The following PTPN9 variants were observed in gnomAD, a reference collection of about 807,000 sequenced individuals.
The protein encoded by PTPN9 is tyrosine-protein phosphatase non-receptor type 9.
Under a neutral mutation model 69.8 loss-of-function variants are expected in PTPN9, and 26 were observed. The ratio of observed to expected loss-of-function variants is 0.37; its 90% CI spans 0.27 to 0.52. PTPN9 has a LOEUF of 0.52. Among genes scored for constraint, PTPN9 ranks in the 20% least tolerant of loss-of-function variants. The pLI, the probability that PTPN9 is intolerant of heterozygous loss-of-function variation, is 0.91. For missense variants in PTPN9, 549 were observed against 740.3 expected (o/e 0.74, Z 3.00); for synonymous variants, 274 against 272.5 (o/e 1.01, Z -0.05).
chr15:75,554,382 C>G (rs1041404375), intron 1 of PTPN9, among the ~76,000 whole-genome samples: 3 of 151,776 alleles, frequency 2.0e-5, no homozygotes, highest in Admixed American at 2.0e-4. Context: ...TTAGTAGAGA[C>G]AGGGTTTCTC....
chr15:75,572,840 C>G (rs1319689848), intron 1 of PTPN9, among the ~76,000 whole-genome samples: 1 of 152,150 alleles, frequency 6.6e-6, no homozygotes, highest in Non-Finnish European at 1.5e-5. Flanking sequence ...GAGTTGACAA[C>G]TCTGTTTTAA....
chr15:75,521,639 A>T (rs2074905844), intron 4 of PTPN9, among the ~76,000 whole-genome samples: 2 of 152,000 alleles, frequency 1.3e-5, no homozygotes, highest in Admixed American at 6.6e-5. Flanking sequence ...TAAGTCCAGG[A>T]GTTCAAGACT....
At chr15:75,557,520 T>A (rs946476758) in intron 1 of PTPN9, among the ~76,000 whole-genome samples, 1 of 152,188 alleles carries the variant, frequency 6.6e-6, no homozygotes, top group Non-Finnish European at 1.5e-5. Context: ...TTCTTTTATA[T>A]ACTTAGGAGT....
At chr15:75,573,047 T>TATA (rs1433967924) in intron 1 of PTPN9, among the ~76,000 whole-genome samples, 2 of 152,196 alleles carry the variant, frequency 1.3e-5, no homozygotes, top group African/African-American at 4.8e-5. Context: ...AGCTATTTTA[T>TATA]ACCCACTTAG....
At chr15:75,520,143 A>G (rs1485433906) in intron 4 of PTPN9, among the ~76,000 whole-genome samples, 1 of 151,942 alleles carries the variant, frequency 6.6e-6, no homozygotes, top group African/African-American at 2.4e-5. Flanking sequence ...AAAAAGAAAC[A>G]AAGAAAATGT....
intron 5 of PTPN9, among the ~76,000 whole-genome samples, chr15:75,515,346 G>A (rs1465860792): frequency 6.9e-6 from 1 of 145,110 alleles, no homozygotes; most frequent in Non-Finnish European, 1.5e-5. Flanking sequence ...AGAACGGCGT[G>A]AACCTGGGAG....
chr15:75,469,239 G>A, intron 12 of PTPN9, among the ~76,000 whole-genome samples: 1 of 152,206 alleles, frequency 6.6e-6, no homozygotes, highest in East Asian at 1.9e-4. Context: ...GGTGACACAG[G>A]GGAACTTCCT....
chr15:75,479,826 T>C (rs1466380120), intron 9 of PTPN9, 22 bp downstream of exon 9: 1 of 1,571,008 alleles, frequency 6.4e-7, no homozygotes, highest in Non-Finnish European at 8.7e-7. Context: ...AAAATCAACA[T>C]GGGAGGGACG....
At chr15:75,565,220 T>C (rs1422998122) in intron 1 of PTPN9, among the ~76,000 whole-genome samples, 2 of 151,990 alleles carry the variant, frequency 1.3e-5, no homozygotes, top group African/African-American at 4.8e-5. Flanking sequence ...TGGCTCATTT[T>C]ACCCCTATGA....
rs1440009889 is a variant in PTPN9, at chr15:75,479,932, A to C, written c.1063-18T>G. 1.5e-5 allele frequency: 24 copies of C among 1,554,728 alleles called. No individual in the cohort carries two copies. Among genetic ancestry groups the C allele is most frequent in the Non-Finnish European group, 2.1e-5 (24 of 1,132,520 alleles). On this transcript the variant is annotated intron_variant, in intron 8 of 12. Coordinates refer to ENST00000618819, the MANE Select transcript of PTPN9 (RefSeq NM_002833.4). Reference sequence around the variant, plus strand: ...TAATCTGTCTAATGATAAAAAGGAGACATCACTATAGCTACACAGAATACA... The same window carrying C: ...TAATCTGTCTAATGATAAAAAGGAGCCATCACTATAGCTACACAGAATACA...
At chr15:75,523,674 G>A (rs1362826660) in intron 3 of PTPN9, among the ~76,000 whole-genome samples, 2 of 152,124 alleles carry the variant, frequency 1.3e-5, no homozygotes, top group African/African-American at 2.4e-5. Flanking sequence ...GAGAGCTTGC[G>A]TTAAATATGG....
In PTPN9 at chr15:75,473,320, G is replaced by C. The variant is rs151119520; in HGVS notation, c.1208+369C>G. Among the ~76,000 whole-genome samples the C allele has an allele frequency of 2.3e-3, 352 of 152,142 alleles. 1 individual carries two copies. Among genetic ancestry groups the C allele is most frequent in the African/African-American group, 8.0e-3 (332 of 41,498 alleles). ...GCTGGAGTGCAATGGCGTGATCTCA[G>C]CTCACTGCAACCTCTGCCTCCTGGG... is the stretch of plus-strand genomic sequence containing the variant. On this transcript the variant is annotated intron_variant, in intron 10 of 12. Transcript: ENST00000618819.
At chr15:75,524,472 G>C (rs1182514463) in intron 2 of PTPN9, among the ~76,000 whole-genome samples, 174 bp from the exon 3 acceptor site, 1 of 152,136 alleles carries the variant, frequency 6.6e-6, no homozygotes, top group Non-Finnish European at 1.5e-5. Context: ...ACTTCATTTA[G>C]TTGAATTAGA....
chr15:75,519,868 C>G (rs1444645927), intron 4 of PTPN9, among the ~76,000 whole-genome samples: 2 of 151,880 alleles, frequency 1.3e-5, no homozygotes, highest in African/African-American at 2.4e-5. Context: ...GTGACTCACA[C>G]CTGTAATCTC....
rs1256412687 is a variant in PTPN9 at position 75,505,676 on chromosome 15, T to G, written c.967A>C (p.Met323Leu). Residue 323 changes from methionine to leucine, a missense_variant and splice_region_variant, in exon 7 of 13, where the codon ATG becomes CTG. Met to Leu is a conservative substitution (Grantham distance 15). Coordinates refer to ENST00000618819, the MANE Select transcript of PTPN9 (RefSeq NM_002833.4). ...ENPVGTFHCS[M>L]SPGNLEKNRY... is the part of the protein sequence containing the mutation. ...CTGGCCCAAACTTTTTCTACTTACA[T>G]GGAACAGTGGAAAGTGCCAACAGGG... The G allele has an allele frequency of 6.2e-7, 1 of 1,611,014 alleles. No individual in the cohort carries two copies. Among genetic ancestry groups the G allele is most frequent in the Non-Finnish European group, 8.5e-7 (1 of 1,177,982 alleles).
At chr15:75,563,087 C>T (rs773700956) in intron 1 of PTPN9, among the ~76,000 whole-genome samples, 1 of 152,152 alleles carries the variant, frequency 6.6e-6, no homozygotes, top group East Asian at 1.9e-4. Context: ...CCTCCTCCCA[C>T]TCTCCACACT....
chr15:75,474,183 C>T (rs1281811810), intron 9 of PTPN9, among the ~76,000 whole-genome samples: 2 of 152,188 alleles, frequency 1.3e-5, no homozygotes, highest in African/African-American at 4.8e-5. Context: ...TTCCCATAAT[C>T]TCAGATCCAT....
At chr15:75,490,407 A>G in intron 7 of PTPN9, 106 bp from the exon 8 acceptor site, 3 of 761,306 alleles carry the variant, frequency 3.9e-6, no homozygotes, top group Non-Finnish European at 6.8e-6. Flanking sequence ...TTAGGGGTGG[A>G]GACATGGAAG....
intron 1 of PTPN9, among the ~76,000 whole-genome samples, chr15:75,571,664 A>G (rs1054631069): frequency 6.6e-6 from 1 of 152,122 alleles, no homozygotes; most frequent in African/African-American, 2.4e-5. Flanking sequence ...TGGGAGGCAG[A>G]GGCAGGTGGA....
Sources: gnomAD v4.1 joint callset for allele counts (sites outside exome capture counted in the v4.1 genomes callset) on GRCh38, gnomAD v4.1.1 for gene constraint, MANE v1.5 for transcripts, NCBI Gene and HGNC (gene_info 2026-07-23, HGNC 2026-07-21) for gene names.